FRMPD4: variants seen among roughly 807,000 people sequenced by gnomAD.
FRMPD4 encodes the protein FERM and PDZ domain-containing protein 4.
Under a neutral mutation model 94.1 loss-of-function variants are expected in FRMPD4, and 22 were observed. That is an observed-to-expected ratio of 0.23 (90% CI 0.17 to 0.33). The LOEUF is 0.33. Ranked by LOEUF, FRMPD4 falls within the 10% of genes least tolerant of loss-of-function variation. The pLI is 1.00. For synonymous variants in FRMPD4, 631 were observed against 548.6 expected (o/e 1.15, Z -2.10); for missense variants, 1,111 against 1,339.9 (o/e 0.83, Z 2.67).
intron 3 of FRMPD4, among the ~76,000 whole-genome samples, chrX:12,037,208 T>C (rs907052825): frequency 8.9e-6 from 1 of 111,841 alleles, no homozygotes; most frequent in African/African-American, 3.2e-5. Flanking sequence ...GTTTTTAGAA[T>C]GAGAACATGA....
chrX:12,579,385 C>T (rs2058842283), intron 2 of FRMPD4, among the ~76,000 whole-genome samples: 1 of 112,163 alleles, frequency 8.9e-6, no homozygotes, highest in African/African-American at 3.2e-5. Flanking sequence ...AGCCTATCTT[C>T]AGGGACACAT....
Position 12,029,900 on chromosome X carries a change from T to C in FRMPD4, c.95+151882T>C, listed in dbSNP as rs1312900606. On this transcript the variant is annotated intron_variant, in intron 3 of 18. Coordinates refer to the FRMPD4 transcript ENST00000640291. Reference sequence around the variant, plus strand: ...TTAAGGGAGGGGATTACATAGGGCATATATACCAAGGGGGTGAGAATCTTG... The same window carrying C: ...TTAAGGGAGGGGATTACATAGGGCACATATACCAAGGGGGTGAGAATCTTG... 3.6e-5 allele frequency among the ~76,000 whole-genome samples: 4 copies of C among 111,613 alleles called. No homozygotes were observed. In the Admixed American group the frequency reaches 3.8e-4, roughly 11 times the overall value.
rs1315875506 is a variant in FRMPD4 at position 12,657,518 on chromosome X, C to T, written c.423-17345C>T. On this transcript the variant is annotated intron_variant, in intron 4 of 16. Transcript: ENST00000675598. ...GTTTTGGGGTTTTTTTTAACCTAAC[C>T]TTGGATATCACATTCTCTCACTTCT... Among the ~76,000 whole-genome samples the T allele has an allele frequency of 8.1e-5, 9 of 111,577 alleles. No homozygotes were observed. In the Admixed American group the frequency reaches 8.6e-4, roughly 11 times the overall value.
intron 1 of FRMPD4, among the ~76,000 whole-genome samples, chrX:12,252,885 G>A (rs974842687): frequency 4.5e-5 from 5 of 111,266 alleles, no homozygotes; most frequent in African/African-American, 1.6e-4. Flanking sequence ...GTCAAGGGGA[G>A]GAAATACACT....
At chrX:12,044,767 T>C (rs1160089436) in intron 3 of FRMPD4, among the ~76,000 whole-genome samples, 2 of 112,352 alleles carry the variant, frequency 1.8e-5, no homozygotes, top group African/African-American at 6.5e-5. Context: ...TAGAAAGTTA[T>C]GATCTCATGT....
At chrX:12,205,879 G>T (rs1353223473) in intron 1 of FRMPD4, among the ~76,000 whole-genome samples, 1 of 112,330 alleles carries the variant, frequency 8.9e-6, no homozygotes, top group Non-Finnish European at 1.9e-5. Context: ...TAGATTCAAA[G>T]AAGAAGACAC....
intron 1 of FRMPD4, among the ~76,000 whole-genome samples, chrX:11,840,617 G>A (rs977090140): frequency 6.4e-5 from 7 of 110,119 alleles, no homozygotes; most frequent in South Asian, 3.9e-4. Flanking sequence ...GTTCATCCTT[G>A]TTTTGTTCTT....
intron 5 of FRMPD4, among the ~76,000 whole-genome samples, chrX:12,677,962 A>G (rs1243548790): frequency 8.9e-6 from 1 of 112,780 alleles, no homozygotes; most frequent in Non-Finnish European, 1.9e-5. Flanking sequence ...AAGTGGAAGT[A>G]TAGAAAGAAA....
chrX:11,934,329 G>T (rs1263841940), intron 3 of FRMPD4, among the ~76,000 whole-genome samples: 1 of 111,835 alleles, frequency 8.9e-6, no homozygotes, highest in African/African-American at 3.2e-5. Flanking sequence ...ATAGAAACAG[G>T]ATGTTATGGC....
chrX:12,640,541 G>C (rs1190752857), intron 4 of FRMPD4, among the ~76,000 whole-genome samples: 1 of 111,355 alleles, frequency 9.0e-6, no homozygotes, highest in Non-Finnish European at 1.9e-5. Flanking sequence ...TTTGCTCAGA[G>C]AAACCTTTAT....
intron 3 of FRMPD4, among the ~76,000 whole-genome samples, chrX:12,081,977 CA>C (rs1157828007): frequency 8.9e-6 from 1 of 112,012 alleles, no homozygotes; most frequent in Non-Finnish European, 1.9e-5. Flanking sequence ...AAGTGTCAAA[CA>C]CAAGTCATTT....
rs765318761 is a variant in FRMPD4, at chrX:12,139,008, T to C, written c.37T>C (p.Ser13Pro). 2.3e-5 allele frequency: 27 copies of C among 1,163,966 alleles called. No homozygotes were observed. The highest frequency in any genetic ancestry group is 2.5e-5 in the Non-Finnish European group (22 of 871,237). Residue 13 changes from serine to proline, a missense_variant, in exon 1 of 17, where the codon TCG becomes CCG. Physicochemically the swap from Ser to Pro is moderately conservative, Grantham distance 74 (BLOSUM62 -1). Coordinates refer to ENST00000675598, the MANE Select transcript of FRMPD4 (RefSeq NM_001368397.1). ...VFSFVKIAKL[S>P]SHRTKSSGWP... Reference sequence around the variant, plus strand: ...CAGCTTTGTGAAGATTGCAAAGCTTTCGAGGTAGGGGCTGCGCGGGTTCCG... The same window carrying C: ...CAGCTTTGTGAAGATTGCAAAGCTTCCGAGGTAGGGGCTGCGCGGGTTCCG...
intron 3 of FRMPD4, among the ~76,000 whole-genome samples, chrX:12,011,852 G>A (rs1408914752): frequency 1.8e-5 from 2 of 109,305 alleles, no homozygotes; most frequent in Non-Finnish European, 3.8e-5. Context: ...TTCTTTGCTT[G>A]TTTCTATATC....
chrX:12,325,117 T>A (rs1408490932), intron 1 of FRMPD4, among the ~76,000 whole-genome samples: 1 of 112,651 alleles, frequency 8.9e-6, no homozygotes, highest in Non-Finnish European at 1.9e-5. Context: ...AAAATATTAT[T>A]TGTTATACAA....
At chrX:12,259,153 A>G (rs1293720520) in intron 1 of FRMPD4, among the ~76,000 whole-genome samples, 1 of 111,886 alleles carries the variant, frequency 8.9e-6, no homozygotes, top group Non-Finnish European at 1.9e-5. Flanking sequence ...TCAGTAAATG[A>G]TATAGGGACC....
intron 3 of FRMPD4, among the ~76,000 whole-genome samples, chrX:11,987,336 T>C (rs1337916641): frequency 6.3e-5 from 7 of 110,921 alleles, no homozygotes; most frequent in South Asian, 3.8e-4. Context: ...ATTAGTTCAA[T>C]TGATGCTGAA....
At chrX:12,336,861 T>G (rs5979599) in intron 1 of FRMPD4, among the ~76,000 whole-genome samples, 17,782 of 111,092 alleles carry the variant, frequency 0.16, 3,476 homozygotes, top group African/African-American at 0.55. Context: ...AGTGTGTGTG[T>G]CGGCTCAAAG....
intron 1 of FRMPD4, among the ~76,000 whole-genome samples, chrX:11,847,924 C>G (rs1283714983): frequency 1.3e-4 from 13 of 100,578 alleles, no homozygotes; most frequent in South Asian, 1.0e-3. Flanking sequence ...GGAGATATAC[C>G]TAATGCTAAA....
At chrX:12,615,825 T>A (rs2059230672) in intron 4 of FRMPD4, among the ~76,000 whole-genome samples, 1 of 110,461 alleles carries the variant, frequency 9.1e-6, no homozygotes, top group African/African-American at 3.3e-5. Flanking sequence ...TGGCAAAAAC[T>A]TCAATTACTT....
Sources: gnomAD v4.1 joint callset for allele counts (sites outside exome capture counted in the v4.1 genomes callset) on GRCh38, gnomAD v4.1.1 for gene constraint, MANE v1.5 for transcripts, NCBI Gene and HGNC (gene_info 2026-07-23, HGNC 2026-07-21) for gene names.